NRXN3: variants seen among roughly 807,000 people sequenced by gnomAD.
NRXN3 encodes the protein neurexin 3, also known as neurexin III.
A neutral mutation model predicts 137.6 loss-of-function variants in NRXN3; 32 were observed. The ratio of observed to expected loss-of-function variants is 0.23; its 90% CI spans 0.18 to 0.31. The LOEUF (loss-of-function observed/expected upper bound fraction) is 0.31, where lower values mean the gene tolerates loss of function less well. Among genes scored for constraint, NRXN3 ranks in the 10% least tolerant of loss-of-function variants. The pLI, the probability that NRXN3 is intolerant of heterozygous loss-of-function variation, is 1.00. For synonymous variants in NRXN3, 798 were observed against 784.5 expected, an observed-to-expected ratio of 1.02 and a Z score of -0.29; for missense variants, 1,574 against 2,062.5, an observed-to-expected ratio of 0.76 and a Z score of 4.59.
rs553356874 is a variant in NRXN3 at position 79,014,531 on chromosome 14, T to C, written c.3262+26390T>C. Among the ~76,000 whole-genome samples, 36 of 152,328 alleles carry C rather than the reference T, an allele frequency of 2.4e-4. No homozygotes were observed. The South Asian group carries it at 7.5e-3, about 32-fold the overall frequency. Reference sequence around the variant, plus strand: ...GATGGGCATTTAGGTTGATTCCATGTCTTTGCTATTGTGAATAGTGCTGCA... The same window carrying C: ...GATGGGCATTTAGGTTGATTCCATGCCTTTGCTATTGTGAATAGTGCTGCA... On this transcript the variant is annotated intron_variant, in intron 15 of 20. Coordinates refer to ENST00000335750, the MANE Select transcript of NRXN3 (RefSeq NM_001330195.2).
intron 16 of NRXN3, among the ~76,000 whole-genome samples, chr14:79,616,729 A>C (rs1043250523): frequency 6.6e-6 from 1 of 152,188 alleles, no homozygotes; most frequent in African/African-American, 2.4e-5. Context: ...TAAAGTGTCC[A>C]TGTATTCCAT....
At chr14:79,200,566 T>C (rs1447954023) in intron 15 of NRXN3, among the ~76,000 whole-genome samples, 5 of 152,128 alleles carry the variant, frequency 3.3e-5, no homozygotes, top group African/African-American at 9.7e-5. Context: ...CCTAAAGGTC[T>C]CTTACAGTCA....
chr14:79,699,398 C>T (rs756114170), intron 19 of NRXN3, among the ~76,000 whole-genome samples: 1 of 152,002 alleles, frequency 6.6e-6, no homozygotes. Context: ...ATGTATTCTG[C>T]TAACTCTGTG....
At chr14:78,428,996 A>G (rs546936492) in intron 4 of NRXN3, among the ~76,000 whole-genome samples, 1 of 152,082 alleles carries the variant, frequency 6.6e-6, no homozygotes, top group East Asian at 1.9e-4. Context: ...CATCACACCA[A>G]TCTTATCCTT....
At chr14:78,699,056 CAG>C (rs1445091182) in intron 6 of NRXN3, among the ~76,000 whole-genome samples, 2 of 151,948 alleles carry the variant, frequency 1.3e-5, no homozygotes, top group Non-Finnish European at 2.9e-5. Context: ...TTGAGAGATA[CAG>C]AGAGAAAAGG....
intron 10 of NRXN3, among the ~76,000 whole-genome samples, chr14:78,938,379 C>T (rs1412886881): frequency 1.3e-5 from 2 of 152,154 alleles, no homozygotes; most frequent in African/African-American, 4.8e-5. Flanking sequence ...TCAGCTATTT[C>T]CTTTACCTGA....
chr14:78,984,378 T>G (rs538415128), intron 14 of NRXN3, among the ~76,000 whole-genome samples: 1 of 152,316 alleles, frequency 6.6e-6, no homozygotes, highest in South Asian at 2.1e-4. Context: ...TTAATTTAAT[T>G]ACAGTCCACG....
At chr14:78,961,152 A>G (rs2099407431) in intron 11 of NRXN3, among the ~76,000 whole-genome samples, 1 of 152,084 alleles carries the variant, frequency 6.6e-6, no homozygotes, top group Admixed American at 6.6e-5. Flanking sequence ...TGGGCAAAAT[A>G]TGAAGATTCT....
chr14:79,858,756 T>C (rs2099408087), intron 20 of NRXN3, among the ~76,000 whole-genome samples: 1 of 152,132 alleles, frequency 6.6e-6, no homozygotes, highest in Non-Finnish European at 1.5e-5. Flanking sequence ...ATCACTGCTC[T>C]CCTATTACTC....
intron 8 of NRXN3, among the ~76,000 whole-genome samples, chr14:78,722,013 TC>T (rs1390618382): frequency 6.6e-6 from 1 of 152,108 alleles, no homozygotes; most frequent in Non-Finnish European, 1.5e-5. Flanking sequence ...AGAAAGCTTT[TC>T]CATAGTACAT....
intron 15 of NRXN3, among the ~76,000 whole-genome samples, chr14:79,056,606 G>A (rs1386362067): frequency 6.6e-6 from 1 of 152,198 alleles, no homozygotes. Context: ...GAAGAGTTGT[G>A]TGGGGTCTGC....
chr14:78,669,782 G>A (rs1403636032), intron 6 of NRXN3, among the ~76,000 whole-genome samples: 1 of 152,132 alleles, frequency 6.6e-6, no homozygotes, highest in African/African-American at 2.4e-5. Flanking sequence ...TGAGCAGTGA[G>A]GATGACCAGA....
intron 10 of NRXN3, among the ~76,000 whole-genome samples, chr14:78,866,557 A>G (rs887734418): frequency 3.3e-5 from 5 of 152,146 alleles, no homozygotes; most frequent in African/African-American, 1.2e-4. Context: ...AGAAGTCTGC[A>G]TTCATTTTCT....
intron 4 of NRXN3, among the ~76,000 whole-genome samples, chr14:78,589,324 C>T (rs1008473159): frequency 2.6e-5 from 4 of 152,302 alleles, no homozygotes; most frequent in African/African-American, 9.6e-5. Flanking sequence ...GGGGCCTTCT[C>T]TCTGCAGGAG....
intron 16 of NRXN3, among the ~76,000 whole-genome samples, chr14:79,620,967 G>GAA (rs1403262604): frequency 6.6e-6 from 1 of 151,936 alleles, no homozygotes; most frequent in African/African-American, 2.4e-5. Context: ...GGCACAGTAA[G>GAA]AAAAAGAAAG....
At chr14:79,826,560 A>G (rs550096166) in intron 20 of NRXN3, among the ~76,000 whole-genome samples, 38 of 152,304 alleles carry the variant, frequency 2.5e-4, no homozygotes, top group Non-Finnish European at 4.3e-4. Context: ...TTTTTAAATA[A>G]TTCAGTGTGT....
At chr14:78,424,006 A>G (rs937866274) in intron 4 of NRXN3, among the ~76,000 whole-genome samples, 5 of 152,190 alleles carry the variant, frequency 3.3e-5, no homozygotes, top group African/African-American at 1.2e-4. Context: ...TATAGTCTAG[A>G]TGAAAGAGAG....
At chr14:78,399,512 C>T (rs1051009336) in intron 4 of NRXN3, among the ~76,000 whole-genome samples, 1 of 152,168 alleles carries the variant, frequency 6.6e-6, no homozygotes, top group East Asian at 1.9e-4. Context: ...GGGTGCTGGA[C>T]TCTCCTTAAA....
chr14:79,201,787 A>C (rs2066046833), intron 15 of NRXN3, among the ~76,000 whole-genome samples: 2 of 152,244 alleles, frequency 1.3e-5, no homozygotes, highest in African/African-American at 4.8e-5. Flanking sequence ...TGACAACATA[A>C]GAGTGAATGT....
Sources: gnomAD v4.1 joint callset for allele counts (sites outside exome capture counted in the v4.1 genomes callset) on GRCh38, gnomAD v4.1.1 for gene constraint, MANE v1.5 for transcripts, NCBI Gene and HGNC (gene_info 2026-07-23, HGNC 2026-07-21) for gene names.